The following ABCA13 variants were observed in gnomAD, a reference collection of about 807,000 sequenced individuals.
The protein encoded by ABCA13 is ATP-binding cassette sub-family A member 13.
In ABCA13, 476 loss-of-function variants were observed where a neutral mutation model predicts 478.7. The ratio of observed to expected loss-of-function variants is 0.99; its 90% CI spans 0.92 to 1.07. The LOEUF is 1.07. ABCA13 is among the 50% of genes least tolerant of loss of function. ABCA13 has a pLI of 0.00. For missense variants in ABCA13, 6,060 were observed against 5,910.6 expected (o/e 1.03, Z -0.83); for synonymous variants, 2,252 against 2,158.9 (o/e 1.04, Z -1.20).
At chr7:48,173,248 T>C (rs1446820000) in intron 1 of ABCA13, among the ~76,000 whole-genome samples, 1 of 152,258 alleles carries the variant, frequency 6.6e-6, no homozygotes, top group Non-Finnish European at 1.5e-5. Context: ...ATTTATCATC[T>C]TGTAACACAC....
In ABCA13 at chr7:48,239,326, T is replaced by A; in HGVS notation, c.983T>A (p.Val328Asp). The A allele has an allele frequency of 6.2e-7, 1 of 1,613,976 alleles. No individual in the cohort carries two copies. The highest frequency in any genetic ancestry group is 8.5e-7 in the Non-Finnish European group (1 of 1,179,858). Residue 328 changes from valine (V) to aspartate (D), a missense_variant, in exon 9 of 62, where the codon GTT becomes GAT. By Grantham distance (152) the Val-to-Asp change is radical. This residue lies in a region of ABCA13 where 4,423 missense variants were observed against 4,309.1 expected (regional missense o/e 1.03). Transcript: ENST00000435803. Reference protein sequence around the residue: ...SEDEAEKWGHVGGCHPKWSEA... With the variant: ...SEDEAEKWGHDGGCHPKWSEA... The stretch of plus-strand genomic sequence containing the variant: ...GATGAAGCTGAGAAATGGGGCCACG[T>A]TGGAGGCTGCCACCCTAAGTGGTCA...
chr7:48,646,397 T>C lies in ABCA13; in HGVS notation c.*885T>C, dbSNP rs1795437031. On this transcript the variant is annotated 3_prime_UTR_variant, in exon 62 of 62. Transcript: ENST00000435803. Reference sequence around the variant, plus strand: ...TTCTCAGGATCCACTCCAGACCTATTGAATCTCAAATTCTGGGGCTTAAAC... The same window carrying C: ...TTCTCAGGATCCACTCCAGACCTATCGAATCTCAAATTCTGGGGCTTAAAC... 6.6e-6 allele frequency: 1 copy of C among 152,222 alleles called. No homozygotes were observed. The highest frequency in any genetic ancestry group is 2.1e-4 in the South Asian group (1 of 4,830). The allele number at this position is 152,222 out of a possible 1,614,324, so 9.4% of individuals were successfully genotyped here.
rs1448600053 is a variant in ABCA13 at position 48,276,383 on chromosome 7, C to T, written c.6717C>T (p.Asn2239=). 6.4e-7 allele frequency: 1 copy of T among 1,554,480 alleles called. No homozygotes were observed. The highest frequency in any genetic ancestry group is 8.7e-7 in the Non-Finnish European group (1 of 1,151,670). The change falls in exon 17 of 62, where the codon AAC becomes AAT. Residue 2239 remains asparagine (N), a synonymous_variant. Coordinates refer to ENST00000435803, the MANE Select transcript of ABCA13 (RefSeq NM_152701.5). Reference sequence around the variant, plus strand: ...ACCTTCAAATAATGAATTTCATTAACCTTATCTTGAACCATATGCAGTCAG... The same window carrying T: ...ACCTTCAAATAATGAATTTCATTAATCTTATCTTGAACCATATGCAGTCAG... ...DTDLQIMNFI[N]LILNHMQSET...
At chr7:48,518,157 T>A (rs116548592) in intron 52 of ABCA13, among the ~76,000 whole-genome samples, 49 of 152,296 alleles carry the variant, frequency 3.2e-4, no homozygotes, top group African/African-American at 1.0e-3. Context: ...AGAGAAAACT[T>A]GCAGAACCAT....
intron 59 of ABCA13, among the ~76,000 whole-genome samples, chr7:48,624,076 G>A (rs1418683693): frequency 6.6e-6 from 1 of 151,734 alleles, no homozygotes; most frequent in Non-Finnish European, 1.5e-5. Context: ...GTGTGTGTGT[G>A]TGTGTGTGTG....
chr7:48,535,511 A>G (rs1833508710), intron 55 of ABCA13, among the ~76,000 whole-genome samples: 1 of 152,186 alleles, frequency 6.6e-6, no homozygotes, highest in African/African-American at 2.4e-5. Context: ...GGCGCTTTCA[A>G]GAGTGTATCG....
chr7:48,178,667 C>T (rs964690284), intron 1 of ABCA13, among the ~76,000 whole-genome samples: 12 of 148,186 alleles, frequency 8.1e-5, no homozygotes, highest in African/African-American at 3.0e-4. Context: ...GAGCGAGACT[C>T]TATCTCAAAA....
chr7:48,458,755 A>T (rs1825941248), intron 43 of ABCA13, among the ~76,000 whole-genome samples: 2 of 152,280 alleles, frequency 1.3e-5, no homozygotes, highest in Admixed American at 1.3e-4. Flanking sequence ...CCCACAGCTC[A>T]TAGAGGGTTT....
chr7:48,415,062 A>G (rs1010865783), intron 41 of ABCA13, among the ~76,000 whole-genome samples: 2 of 152,210 alleles, frequency 1.3e-5, no homozygotes, highest in African/African-American at 2.4e-5. Context: ...CCCAGATTGC[A>G]TGAGTCAGAA....
At chr7:48,346,666 T>C (rs187374325) in intron 29 of ABCA13, among the ~76,000 whole-genome samples, 45 of 152,372 alleles carry the variant, frequency 3.0e-4, no homozygotes, top group Admixed American at 5.9e-4. Flanking sequence ...GCACTTACTG[T>C]AAATCAGTTT....
chr7:48,352,534 A>T, intron 31 of ABCA13, 47 bp downstream of exon 31: 1 of 1,496,788 alleles, frequency 6.7e-7, no homozygotes, highest in Non-Finnish European at 8.9e-7. Flanking sequence ...AGGGCCTTGC[A>T]TTTGTCTAGC....
intron 24 of ABCA13, 69 bp from the exon 25 acceptor site, chr7:48,312,998 A>C (rs1157433781): frequency 1.6e-5 from 23 of 1,430,610 alleles, no homozygotes; most frequent in Non-Finnish European, 2.0e-5. Flanking sequence ...ACAGCTCAAA[A>C]GATGCTTCTG....
At chr7:48,320,527 T>G (rs139729252) in intron 27 of ABCA13, among the ~76,000 whole-genome samples, 2 of 152,200 alleles carry the variant, frequency 1.3e-5, no homozygotes, top group East Asian at 3.8e-4. Context: ...AGTCAAGAGA[T>G]TCCAATGTAT....
chr7:48,212,049 C>T (rs544799506), intron 3 of ABCA13, among the ~76,000 whole-genome samples: 2 of 152,226 alleles, frequency 1.3e-5, no homozygotes, highest in Admixed American at 1.3e-4. Flanking sequence ...GCCTGCCTGC[C>T]ACTCAAATTT....
chr7:48,604,084 T>G (rs949884619), intron 58 of ABCA13, among the ~76,000 whole-genome samples: 5 of 152,230 alleles, frequency 3.3e-5, no homozygotes, highest in African/African-American at 7.2e-5. Context: ...GGTATCCCCT[T>G]TATCATTTTT....
At chr7:48,392,885 A>T (rs1816272586) in intron 38 of ABCA13, among the ~76,000 whole-genome samples, 1 of 152,088 alleles carries the variant, frequency 6.6e-6, no homozygotes, top group Non-Finnish European at 1.5e-5. Context: ...GGAGCAGAGA[A>T]CTCCCGGTAG....
intron 32 of ABCA13, among the ~76,000 whole-genome samples, chr7:48,371,672 C>T (rs1290948935): frequency 2.6e-5 from 4 of 152,084 alleles, no homozygotes; most frequent in African/African-American, 7.2e-5. Context: ...TGCTTATTAG[C>T]TTTAGGAACT....
rs751103748 is a variant in ABCA13 at position 48,275,124 on chromosome 7, C to T, written c.5458C>T (p.Pro1820Ser). The stretch of plus-strand genomic sequence containing the variant: ...TATTTCAGAGGCTTTAGCTTGTTTT[C>T]CTGTGGTTTGGTGCTGGAATCACAC... Reference protein sequence around the residue: ...DIISEALACFPVVWCWNHTNS... With the variant: ...DIISEALACFSVVWCWNHTNS... The change falls in exon 17 of 62, where the codon CCT becomes TCT. Residue 1820 changes from proline to serine, a missense_variant. Coordinates refer to ENST00000435803, the MANE Select transcript of ABCA13 (RefSeq NM_152701.5). The T allele has an allele frequency of 1.2e-6, 2 of 1,613,678 alleles. No individual in the cohort carries two copies. Among genetic ancestry groups the T allele is most frequent in the Non-Finnish European group, 1.7e-6 (2 of 1,179,756 alleles).
At chr7:48,554,142 T>C (rs1785563747) in intron 55 of ABCA13, among the ~76,000 whole-genome samples, 1 of 152,026 alleles carries the variant, frequency 6.6e-6, no homozygotes, top group African/African-American at 2.4e-5. Flanking sequence ...TATGGGTGTA[T>C]GGATTTGTTT....
Sources: gnomAD v4.1 joint callset for allele counts (sites outside exome capture counted in the v4.1 genomes callset) on GRCh38, gnomAD v4.1.1 for gene constraint, gnomAD v4.1.1 regional missense constraint, MANE v1.5 for transcripts, NCBI Gene and HGNC (gene_info 2026-07-23, HGNC 2026-07-21) for gene names.